The following TULP4 variants were observed in gnomAD, a reference collection of about 807,000 sequenced individuals.
The protein encoded by TULP4 is TUB like protein 4, also known as tubby-related protein 4.
Under a neutral mutation model 129.0 loss-of-function variants are expected in TULP4, and 16 were observed. The ratio of observed to expected loss-of-function variants is 0.12; its 90% CI spans 0.08 to 0.19. TULP4 has a LOEUF of 0.19. Among genes scored for constraint, TULP4 ranks in the 10% least tolerant of loss-of-function variants. TULP4 has a pLI of 1.00. For missense variants in TULP4, 1,842 were observed against 2,059.1 expected (o/e 0.89, Z 2.04); for synonymous variants, 998 against 854.0 (o/e 1.17, Z -2.94).
At chr6:158,240,740 C>T (rs1438753871) in intron 1 of TULP4, among the ~76,000 whole-genome samples, 12 of 127,594 alleles carry the variant, frequency 9.4e-5, no homozygotes, top group Non-Finnish European at 1.6e-4. Flanking sequence ...GCTGGCCGGG[C>T]GGGGGGCTGA....
intron 1 of TULP4, among the ~76,000 whole-genome samples, chr6:158,274,355 G>A (rs1429412945): frequency 2.0e-5 from 3 of 152,198 alleles, no homozygotes; most frequent in African/African-American, 7.2e-5. Flanking sequence ...GAGCATCTTA[G>A]TGCTGGCCAC....
chr6:158,500,709 T>C (rs1780425123), intron 12 of TULP4, among the ~76,000 whole-genome samples: 1 of 152,222 alleles, frequency 6.6e-6, no homozygotes, highest in Non-Finnish European at 1.5e-5. Flanking sequence ...TGTGTACAAA[T>C]AGGATATATT....
At chr6:158,479,589 T>C (rs1779893050) in intron 6 of TULP4, among the ~76,000 whole-genome samples, 162 bp from the exon 7 acceptor site, 1 of 152,192 alleles carries the variant, frequency 6.6e-6, no homozygotes, top group Admixed American at 6.5e-5. Context: ...ATAAACATAC[T>C]GAATTTTCGT....
At chr6:158,287,816 G>GAAGAC (rs557139975) in intron 1 of TULP4, among the ~76,000 whole-genome samples, 2 of 152,300 alleles carry the variant, frequency 1.3e-5, no homozygotes, top group South Asian at 4.1e-4. Flanking sequence ...GACCCTGGTG[G>GAAGAC]AAGACAAGAC....
intron 2 of TULP4, among the ~76,000 whole-genome samples, chr6:158,420,565 C>G (rs765598149): frequency 2.4e-4 from 37 of 151,936 alleles, no homozygotes; most frequent in Non-Finnish European, 4.6e-4. Context: ...CACTGCAATC[C>G]TTGCCTCCCG....
intron 1 of TULP4, chr6:158,238,311 CAT>C (rs1777761422): frequency 2.1e-6 from 2 of 965,898 alleles, no homozygotes; most frequent in Admixed American, 1.9e-5. Flanking sequence ...CTTGGGTTAA[CAT>C]AGGTGAGAGA....
chr6:158,237,398 C>A, intron 1 of TULP4: 1 of 1,611,216 alleles, frequency 6.2e-7, no homozygotes, highest in Non-Finnish European at 8.5e-7. Flanking sequence ...GTTGCTGGAG[C>A]CCCTGCAGGT....
chr6:158,366,462 A>T (rs542362244), intron 1 of TULP4, among the ~76,000 whole-genome samples: 1 of 152,206 alleles, frequency 6.6e-6, no homozygotes, highest in Non-Finnish European at 1.5e-5. Flanking sequence ...TGCCCCAGGG[A>T]TGGGCTTTAT....
chr6:158,504,513 A>AT (rs769598967), intron 13 of TULP4, among the ~76,000 whole-genome samples: 2,097 of 138,914 alleles, frequency 0.015, 62 homozygotes, highest in African/African-American at 0.047. Context: ...TGCCCGGCTA[A>AT]TTTTTTTTTT....
chr6:158,306,354 C>T (rs1286823253), intron 1 of TULP4, among the ~76,000 whole-genome samples: 2 of 152,110 alleles, frequency 1.3e-5, no homozygotes, highest in African/African-American at 4.8e-5. Context: ...CAGGAGTTTT[C>T]GAGACTAACC....
At chr6:158,343,706 A>G (rs1288668157) in intron 1 of TULP4, among the ~76,000 whole-genome samples, 1 of 152,192 alleles carries the variant, frequency 6.6e-6, no homozygotes, top group Non-Finnish European at 1.5e-5. Flanking sequence ...ATAGCTGCCT[A>G]GTCTGTGGTA....
At chr6:158,299,442 A>G (rs1407735634) in intron 1 of TULP4, among the ~76,000 whole-genome samples, 17 of 152,106 alleles carry the variant, frequency 1.1e-4, no homozygotes, top group Admixed American at 7.2e-4. Flanking sequence ...ACAGGTTTAT[A>G]TTGAAGGTAT....
chr6:158,340,475 C>T (rs1346069326), intron 1 of TULP4, among the ~76,000 whole-genome samples: 1 of 152,044 alleles, frequency 6.6e-6, no homozygotes, highest in Non-Finnish European at 1.5e-5. Context: ...CATATCTCGT[C>T]AGCTGATATT....
chr6:158,424,091 C>T (rs1416157222), intron 2 of TULP4, among the ~76,000 whole-genome samples: 1 of 152,130 alleles, frequency 6.6e-6, no homozygotes, highest in East Asian at 1.9e-4. Context: ...CTGATATTTA[C>T]TATATATTTT....
At chr6:158,277,793 T>C (rs1257572996), upstream of TULP4, among the ~76,000 whole-genome samples, 2 of 152,238 alleles carry the variant, frequency 1.3e-5, no homozygotes, top group African/African-American at 2.4e-5. Context: ...CCTTCAGTGA[T>C]GCAGATATTC....
chr6:158,275,730 A>G (rs1460152581), intron 1 of TULP4, among the ~76,000 whole-genome samples: 1 of 152,224 alleles, frequency 6.6e-6, no homozygotes, highest in Non-Finnish European at 1.5e-5. Context: ...GCAAAAACGT[A>G]GAATTTGGGG....
chr6:158,365,027 G>T (rs779995822), intron 1 of TULP4, among the ~76,000 whole-genome samples: 25 of 151,830 alleles, frequency 1.6e-4, no homozygotes, highest in Non-Finnish European at 2.6e-4. Flanking sequence ...GAGCCACCGC[G>T]CCCAGCCCCT....
intron 6 of TULP4, 39 bp downstream of exon 6, chr6:158,461,768 T>C (rs1318514074): frequency 1.9e-6 from 3 of 1,590,306 alleles, no homozygotes; most frequent in East Asian, 4.5e-5. Flanking sequence ...TTTTCAGCAG[T>C]ATACTAGTGA....
chr6:158,252,334 T>C (rs1778157519), intron 1 of TULP4, among the ~76,000 whole-genome samples: 1 of 147,544 alleles, frequency 6.8e-6, no homozygotes, highest in Non-Finnish European at 1.5e-5. Flanking sequence ...TTTTTTTTTT[T>C]TCTTGAGCAG....
Sources: gnomAD v4.1 joint callset for allele counts (sites outside exome capture counted in the v4.1 genomes callset) on GRCh38, gnomAD v4.1.1 for gene constraint, MANE v1.5 for transcripts, NCBI Gene and HGNC (gene_info 2026-07-23, HGNC 2026-07-21) for gene names.